LARGE1: variants seen among roughly 807,000 people sequenced by gnomAD.
The protein encoded by LARGE1 is xylosyl- and glucuronyltransferase LARGE1.
LARGE1 carries 43 observed loss-of-function variants against 87.6 expected under a neutral mutation model. The ratio of observed to expected loss-of-function variants is 0.49; its 90% CI spans 0.38 to 0.63. The LOEUF is 0.63. Among genes scored for constraint, LARGE1 ranks in the 30% least tolerant of loss-of-function variants. The pLI, the probability that LARGE1 is intolerant of heterozygous loss-of-function variation, is 0.00. For synonymous variants in LARGE1, 434 were observed against 394.6 expected (o/e 1.10, Z -1.18); for missense variants, 802 against 1,000.2 (o/e 0.80, Z 2.67).
At chr22:33,757,033 A>T (rs1241768798) in intron 2 of LARGE1, among the ~76,000 whole-genome samples, 2 of 152,130 alleles carry the variant, frequency 1.3e-5, no homozygotes, top group Non-Finnish European at 2.9e-5. Context: ...TAAAGCAAGG[A>T]GTTGGGTTTA....
At position 33,476,451 on chromosome 22, in the gene LARGE1, C is replaced by G. The variant is rs143372775; in HGVS notation, c.788-44186G>C. 1.1e-3 allele frequency among the ~76,000 whole-genome samples: 175 copies of G among 152,262 alleles called. 1 individual carries two copies. Among genetic ancestry groups the G allele is most frequent in the African/African-American group, 3.9e-3 (163 of 41,530 alleles). On this transcript the variant is annotated intron_variant, in intron 6 of 14. Coordinates refer to ENST00000397394, the MANE Select transcript of LARGE1 (RefSeq NM_133642.5). ...CTTGTCCCTCCTTTCTGGACCAAAC[C>G]AATGCACATCTTATACATATTGACT...
At chr22:33,820,295 A>G (rs1336631987) in intron 1 of LARGE1, among the ~76,000 whole-genome samples, 3 of 152,114 alleles carry the variant, frequency 2.0e-5, no homozygotes, top group Admixed American at 6.6e-5. Flanking sequence ...CCCATAGCAT[A>G]TTGCCATAAC....
At chr22:33,581,761 G>A (rs1372524941) in intron 5 of LARGE1, among the ~76,000 whole-genome samples, 1 of 148,746 alleles carries the variant, frequency 6.7e-6, no homozygotes, top group African/African-American at 2.5e-5. Context: ...GCAGTGAGCC[G>A]AGATTGTGCC....
At chr22:33,138,562 GC>G in the LARGE1 span, among the ~76,000 whole-genome samples, 1 of 151,978 alleles carries the variant, frequency 6.6e-6, no homozygotes, top group African/African-American at 2.4e-5. Flanking sequence ...TCCTGCCTCA[GC>G]CTCCCAAGTA....
chr22:33,712,398 G>T (rs1603223972), intron 2 of LARGE1, among the ~76,000 whole-genome samples: 5 of 152,222 alleles, frequency 3.3e-5, no homozygotes, highest in South Asian at 4.1e-4. Context: ...AGGCTCGAAG[G>T]CTTCTAGAGG....
intron 11 of LARGE1, among the ~76,000 whole-genome samples, chr22:33,188,305 G>T (rs758872701): frequency 6.6e-6 from 1 of 151,964 alleles, no homozygotes; most frequent in Non-Finnish European, 1.5e-5. Flanking sequence ...CATAATTCAC[G>T]AACCCACCAT....
chr22:33,815,593 T>C (rs972283264), intron 1 of LARGE1, among the ~76,000 whole-genome samples: 7 of 152,170 alleles, frequency 4.6e-5, no homozygotes, highest in African/African-American at 1.7e-4. Flanking sequence ...GAACCATTCT[T>C]AGTAATCTGA....
chr22:33,434,016 C>G (rs946756675), intron 6 of LARGE1, among the ~76,000 whole-genome samples: 3 of 152,196 alleles, frequency 2.0e-5, no homozygotes, highest in Non-Finnish European at 2.9e-5. Flanking sequence ...ATGATGACAT[C>G]TAAAACTTGT....
the LARGE1 span, among the ~76,000 whole-genome samples, chr22:33,137,975 T>G: frequency 6.6e-6 from 1 of 152,096 alleles, no homozygotes; most frequent in Non-Finnish European, 1.5e-5. Context: ...GAGTCCCCAG[T>G]GGGGCTCCAT....
chr22:33,399,611 C>T (rs951221905), intron 7 of LARGE1, among the ~76,000 whole-genome samples: 2 of 152,116 alleles, frequency 1.3e-5, no homozygotes, highest in African/African-American at 2.4e-5. Flanking sequence ...TGCAATGGTG[C>T]GATCTCGGCT....
At chr22:33,813,307 G>T (rs538324138) in intron 1 of LARGE1, among the ~76,000 whole-genome samples, 2 of 151,574 alleles carry the variant, frequency 1.3e-5, no homozygotes, top group Admixed American at 1.3e-4. Flanking sequence ...GCTTCCCCAG[G>T]CAAGACTGTC....
intron 6 of LARGE1, among the ~76,000 whole-genome samples, chr22:33,497,771 T>C (rs1302358646): frequency 1.3e-5 from 2 of 152,182 alleles, no homozygotes; most frequent in Non-Finnish European, 2.9e-5. Context: ...ACGATAACAA[T>C]CATATATTAC....
intron 6 of LARGE1, among the ~76,000 whole-genome samples, chr22:33,535,544 CAAAA>C: frequency 7.6e-6 from 1 of 131,144 alleles, no homozygotes; most frequent in Non-Finnish European, 1.7e-5. Flanking sequence ...ACTCCAAAAA[CAAAA>C]GAAAAAAAAA....
intron 11 of LARGE1, among the ~76,000 whole-genome samples, chr22:33,226,622 C>A (rs759562129): frequency 1.3e-5 from 2 of 152,284 alleles, no homozygotes; most frequent in South Asian, 4.1e-4. Context: ...ATTCTCTGGG[C>A]CTGACAAGAG....
In LARGE1 at chr22:33,380,113, C is replaced by T. The variant is rs12159644; in HGVS notation, c.1131+1806G>A. Among the ~76,000 whole-genome samples the T allele has an allele frequency of 9.0e-3, 1,372 of 152,232 alleles. 25 individuals are homozygous for T. Among genetic ancestry groups the T allele is most frequent in the African/African-American group, 0.031 (1,300 of 41,526 alleles). On this transcript the variant is annotated intron_variant, in intron 9 of 14. Coordinates refer to ENST00000397394, the MANE Select transcript of LARGE1 (RefSeq NM_133642.5). ...TGCTTTCTTTACTTGCTTTATGAAC[C>T]GATCAATTATGCTTTCAAAGCATGT...
the LARGE1 span, chr22:33,110,455 A>T: frequency 6.6e-6 from 1 of 152,166 alleles, no homozygotes; most frequent in African/African-American, 2.4e-5. Context: ...AGCCAGTTTG[A>T]TCCTCTGACA....
chr22:33,857,960 A>G (rs554434107), intron 1 of LARGE1, among the ~76,000 whole-genome samples: 11 of 152,226 alleles, frequency 7.2e-5, no homozygotes, highest in Admixed American at 2.6e-4. Flanking sequence ...CCGCTTCCAA[A>G]ATGGCGGCCG....
chr22:33,093,822 C>CTTTTTTTTTT, the LARGE1 span, among the ~76,000 whole-genome samples: 1 of 81,580 alleles, frequency 1.2e-5, no homozygotes, highest in African/African-American at 5.1e-5. Context: ...TTCTTTCTTT[C>CTTTTTTTTTT]TTTTTTTTTT....
At chr22:33,504,596 T>G (rs374510483) in intron 6 of LARGE1, among the ~76,000 whole-genome samples, 91 of 152,306 alleles carry the variant, frequency 6.0e-4, no homozygotes, top group African/African-American at 1.8e-3. Flanking sequence ...AGTTCAGACA[T>G]TAGAGACTGG....
Sources: gnomAD v4.1 joint callset for allele counts (sites outside exome capture counted in the v4.1 genomes callset) on GRCh38, gnomAD v4.1.1 for gene constraint, MANE v1.5 for transcripts, NCBI Gene and HGNC (gene_info 2026-07-23, HGNC 2026-07-21) for gene names.